CNTN4: variants seen among roughly 807,000 people sequenced by gnomAD.
The protein encoded by CNTN4 is contactin-4.
CNTN4 carries 77 observed loss-of-function variants against 122.5 expected under a neutral mutation model. The observed-to-expected ratio is 0.63, with a 90% CI of 0.52 to 0.76. The LOEUF (loss-of-function observed/expected upper bound fraction) is 0.76, where lower values mean the gene tolerates loss of function less well. Ranked by LOEUF, CNTN4 falls within the 30% of genes least tolerant of loss-of-function variation. The pLI is 0.00. For synonymous variants in CNTN4, 512 were observed against 447.0 expected, an observed-to-expected ratio of 1.15 and a Z score of -1.83; for missense variants, 1,256 against 1,259.1, an observed-to-expected ratio of 1.00 and a Z score of 0.04.
intron 4 of CNTN4, among the ~76,000 whole-genome samples, chr3:2,622,645 A>C (rs2149945824): frequency 6.6e-6 from 1 of 152,302 alleles, no homozygotes; most frequent in Non-Finnish European, 1.5e-5. Context: ...ATGGAGAAAT[A>C]ATAATTAGTA....
chr3:3,030,719 C>A, intron 15 of CNTN4, 136 bp from the exon 16 acceptor site: 1 of 1,046,662 alleles, frequency 9.6e-7, no homozygotes, highest in Non-Finnish European at 1.5e-6. Flanking sequence ...ATATTTTTAA[C>A]AGGCCATGGT....
chr3:2,242,937 A>T (rs2040000845), intron 2 of CNTN4, among the ~76,000 whole-genome samples: 1 of 152,142 alleles, frequency 6.6e-6, no homozygotes, highest in African/African-American at 2.4e-5. Context: ...AATTTAGAAC[A>T]AAAGATGGAA....
chr3:2,580,795 G>A (rs1332190004), intron 4 of CNTN4, among the ~76,000 whole-genome samples: 1 of 152,264 alleles, frequency 6.6e-6, no homozygotes, highest in African/African-American at 2.4e-5. Context: ...CCTCAGTTTT[G>A]TATGCACTAT....
intron 4 of CNTN4, among the ~76,000 whole-genome samples, chr3:2,596,685 C>A (rs1429279897): frequency 3.3e-5 from 5 of 152,060 alleles, no homozygotes. Context: ...CAATCATTTG[C>A]CCCTGTTCAC....
intron 6 of CNTN4, among the ~76,000 whole-genome samples, chr3:2,766,174 C>T (rs534485047): frequency 3.8e-4 from 58 of 152,318 alleles, no homozygotes; most frequent in Non-Finnish European, 7.6e-4. Context: ...ATGTGGCCTT[C>T]TTCAGTGACT....
chr3:2,275,696 C>T (rs559048487), intron 2 of CNTN4, among the ~76,000 whole-genome samples: 4 of 151,888 alleles, frequency 2.6e-5, no homozygotes, highest in East Asian at 1.9e-4. Context: ...CTGAGGCGGG[C>T]GGATCATGAG....
intron 4 of CNTN4, among the ~76,000 whole-genome samples, chr3:2,683,275 T>C (rs140822636): frequency 1.8e-4 from 28 of 151,972 alleles, no homozygotes; most frequent in African/African-American, 6.0e-4. Flanking sequence ...AAAACAGTCA[T>C]GACAAGATTG....
intron 3 of CNTN4, among the ~76,000 whole-genome samples, chr3:2,512,636 T>A (rs1457976878): frequency 6.6e-6 from 1 of 152,220 alleles, no homozygotes; most frequent in East Asian, 1.9e-4. Context: ...AAAAGTGGAA[T>A]AATTGAGCTG....
At chr3:2,170,129 G>A (rs1464792056) in intron 2 of CNTN4, among the ~76,000 whole-genome samples, 3 of 151,842 alleles carry the variant, frequency 2.0e-5, no homozygotes, top group Non-Finnish European at 2.9e-5. Context: ...AGACCATCCT[G>A]GCTAACACGG....
At chr3:2,874,959 G>T (rs1441682148) in intron 8 of CNTN4, among the ~76,000 whole-genome samples, 1 of 151,996 alleles carries the variant, frequency 6.6e-6, no homozygotes, top group Non-Finnish European at 1.5e-5. Flanking sequence ...TGCTGTTACA[G>T]TAAGTTGTGC....
At chr3:2,571,302 C>T in intron 3 of CNTN4, 114 bp from the exon 4 acceptor site, 2 of 616,582 alleles carry the variant, frequency 3.2e-6, no homozygotes, top group South Asian at 2.0e-5. Context: ...TCTTCCCCTC[C>T]AATGGTACTT....
intron 4 of CNTN4, among the ~76,000 whole-genome samples, chr3:2,611,415 A>G (rs1160263023): frequency 6.6e-6 from 1 of 152,042 alleles, no homozygotes. Context: ...AGGGAAGGAC[A>G]GGTAAAGTTG....
intron 3 of CNTN4, among the ~76,000 whole-genome samples, chr3:2,439,298 G>C (rs1280650409): frequency 2.6e-5 from 4 of 152,160 alleles, no homozygotes. Flanking sequence ...CTGGGATGGG[G>C]CCAGGATATC....
Position 3,040,198 on chromosome 3 carries a change from T to G in CNTN4, c.2325T>G (p.Val775=). Residue 775 remains valine (V), a synonymous_variant, in exon 20 of 25, where the codon GTT becomes GTG. Transcript: ENST00000418658. Reference sequence around the variant, plus strand: ...TGCACCCCTTCTCTCCCTTTGAGGTTAAAGTAGGTGTCTTCAACAACAAAG... The same window carrying G: ...TGCACCCCTTCTCTCCCTTTGAGGTGAAAGTAGGTGTCTTCAACAACAAAG... ...ESVHPFSPFE[V]KVGVFNNKGE... is the part of the protein sequence containing the mutation. 1.9e-6 allele frequency: 3 copies of G among 1,614,222 alleles called. No homozygotes were observed. The highest frequency in any genetic ancestry group is 2.5e-6 in the Non-Finnish European group (3 of 1,180,038).
At chr3:2,239,224 T>A (rs2039827922) in intron 2 of CNTN4, among the ~76,000 whole-genome samples, 1 of 152,200 alleles carries the variant, frequency 6.6e-6, no homozygotes, top group Non-Finnish European at 1.5e-5. Context: ...GTGATTTGTA[T>A]TTGGTTACGC....
intron 14 of CNTN4, among the ~76,000 whole-genome samples, chr3:3,008,740 G>A (rs983872188): frequency 6.6e-6 from 1 of 152,114 alleles, no homozygotes; most frequent in Non-Finnish European, 1.5e-5. Context: ...ATTTCTAGAG[G>A]CAACTAGCTA....
At position 2,203,045 on chromosome 3, in the gene CNTN4, G is replaced by A. The variant is rs202199734; in HGVS notation, c.-145+102406G>A. Among the ~76,000 whole-genome samples, 12 of 151,804 alleles carry A rather than the reference G, an allele frequency of 7.9e-5. No homozygotes were observed. In the East Asian group the frequency reaches 2.3e-3, roughly 30 times the overall value. On this transcript the variant is annotated intron_variant, in intron 2 of 24. Transcript: ENST00000418658. ...GATGGGGTTTCACCATGTTGGCCAGGCTGGTTTTGAACTCCTGACCTCAAG... is the reference window on the plus strand; with the variant it reads ...GATGGGGTTTCACCATGTTGGCCAGACTGGTTTTGAACTCCTGACCTCAAG...
intron 6 of CNTN4, among the ~76,000 whole-genome samples, chr3:2,787,793 GTT>G (rs10538575): frequency 0.017 from 2,343 of 138,480 alleles, 64 homozygotes; most frequent in African/African-American, 0.058. Flanking sequence ...GTGGGTTTTT[GTT>G]TTTTTTTTTT....
chr3:2,298,765 C>T (rs1482885384), intron 2 of CNTN4, among the ~76,000 whole-genome samples: 22 of 152,116 alleles, frequency 1.4e-4, no homozygotes, highest in Admixed American at 1.4e-3. Context: ...AATTACGTGG[C>T]ATATATGTGT....
Sources: gnomAD v4.1 joint callset for allele counts (sites outside exome capture counted in the v4.1 genomes callset) on GRCh38, gnomAD v4.1.1 for gene constraint, MANE v1.5 for transcripts, NCBI Gene and HGNC (gene_info 2026-07-23, HGNC 2026-07-21) for gene names.